Variants in LHX8 observed in about 807,000 individuals in gnomAD.
The protein encoded by LHX8 is LIM/homeobox protein Lhx8.
LHX8 carries 12 observed loss-of-function variants against 40.3 expected under a neutral mutation model. The ratio of observed to expected loss-of-function variants is 0.30; its 90% CI spans 0.19 to 0.48. The LOEUF is 0.48. LHX8 is among the 20% of genes least tolerant of loss of function. The pLI is 0.99. For synonymous variants in LHX8, 179 were observed against 162.0 expected (o/e 1.10, Z -0.80); for missense variants, 344 against 433.7 (o/e 0.79, Z 1.84).
At position 75,134,645 on chromosome 1, in the gene LHX8, T is replaced by C. The variant is rs1320489006; in HGVS notation, c.-322T>C. ...ATGTATTGGAAGAACGATCAGATGT[T>C]TGTGTGTAAACTAGTAGCAAAGGAC... On this transcript the variant is annotated 5_prime_UTR_variant, in exon 1 of 9. Transcript: ENST00000356261. 1.3e-5 allele frequency among the ~76,000 whole-genome samples: 2 copies of C among 152,060 alleles called. No homozygotes were observed. The highest frequency in any genetic ancestry group is 4.8e-5 in the African/African-American group (2 of 41,416).
chr1:75,192,561 A>G, the LHX8 span, among the ~76,000 whole-genome samples: 4 of 152,222 alleles, frequency 2.6e-5, no homozygotes, highest in Admixed American at 1.3e-4. Flanking sequence ...CTCCCATCAC[A>G]GAAAGGGATC....
At chr1:75,155,836 A>G (rs1402569888) in intron 7 of LHX8, among the ~76,000 whole-genome samples, 2 of 152,184 alleles carry the variant, frequency 1.3e-5, no homozygotes, top group South Asian at 2.1e-4. Context: ...GGAATAGCCT[A>G]TGTATTCACC....
upstream of LHX8, chr1:75,131,346 GGTT>G (rs1647955319): frequency 1.9e-5 from 3 of 159,262 alleles, no homozygotes; most frequent in East Asian, 3.5e-4. Flanking sequence ...AGAGGCAAAG[GGTT>G]CAATAGTCAA....
the LHX8 span, among the ~76,000 whole-genome samples, chr1:75,175,914 A>G: frequency 6.6e-6 from 1 of 152,160 alleles, no homozygotes; most frequent in Non-Finnish European, 1.5e-5. Context: ...GAGTGAGAAC[A>G]TGCAGTGTTT....
chr1:75,175,016 G>C, the LHX8 span, among the ~76,000 whole-genome samples: 1 of 152,064 alleles, frequency 6.6e-6, no homozygotes, highest in Non-Finnish European at 1.5e-5. Context: ...TTACGCTTTT[G>C]CGTCCTCATA....
intron 5 of LHX8, 32 bp downstream of exon 5, chr1:75,143,370 T>C (rs773828288): frequency 1.3e-6 from 2 of 1,509,464 alleles, no homozygotes; most frequent in African/African-American, 2.8e-5. Flanking sequence ...TTTGAGTCTT[T>C]TGAGACAGTG....
At chr1:75,147,826 C>A (rs1648501967) in intron 6 of LHX8, among the ~76,000 whole-genome samples, 2 of 152,196 alleles carry the variant, frequency 1.3e-5, no homozygotes, top group African/African-American at 4.8e-5. Context: ...TTCTGGTACT[C>A]TCTCCCACAC....
At chr1:75,165,943 A>T (rs17096318), downstream of LHX8, among the ~76,000 whole-genome samples, 10,752 of 152,266 alleles carry the variant, frequency 0.071, 464 homozygotes, top group African/African-American at 0.12. Context: ...AAGGACACTT[A>T]AGCCTCCCTG....
chr1:75,135,521 G>A (rs998415574), intron 1 of LHX8, among the ~76,000 whole-genome samples: 1 of 152,218 alleles, frequency 6.6e-6, no homozygotes, highest in East Asian at 1.9e-4. Flanking sequence ...GAGGCCCCCA[G>A]GTTGGTATCT....
At chr1:75,149,513 T>C (rs1417408617) in intron 7 of LHX8, among the ~76,000 whole-genome samples, 1 of 152,166 alleles carries the variant, frequency 6.6e-6, no homozygotes, top group East Asian at 1.9e-4. Context: ...GTTTGTTTTT[T>C]GTTTGTTTGT....
the LHX8 span, among the ~76,000 whole-genome samples, chr1:75,192,017 A>G: frequency 2.0e-5 from 3 of 152,188 alleles, no homozygotes; most frequent in Non-Finnish European, 4.4e-5. Context: ...TTTGAATCCT[A>G]TCTCCACCAC....
chr1:75,146,139 A>G lies in LHX8; in HGVS notation c.684+2191A>G, dbSNP rs546743519. Among the ~76,000 whole-genome samples, 149 of 152,162 alleles carry G rather than the reference A, an allele frequency of 9.8e-4. 3 individuals carry two copies. In the East Asian group the frequency reaches 0.015, roughly 15 times the overall value. ...AATAAATCGGTATCCTTATTGTCAA[A>G]CTCTCCTACATTTAGGAATGCTGAA... is the stretch of plus-strand genomic sequence containing the variant. On this transcript the variant is annotated intron_variant, in intron 6 of 8. Coordinates refer to ENST00000356261, the MANE Select transcript of LHX8 (RefSeq NM_001256114.2).
chr1:75,173,415 G>C, the LHX8 span, among the ~76,000 whole-genome samples: 3 of 114,708 alleles, frequency 2.6e-5, no homozygotes, highest in Non-Finnish European at 4.9e-5. Flanking sequence ...ACGGAATCTC[G>C]TTCTGTCGCC....
chr1:75,143,046 G>C, intron 4 of LHX8, 72 bp from the exon 5 acceptor site: 2 of 1,163,324 alleles, frequency 1.7e-6, no homozygotes, highest in Non-Finnish European at 2.6e-6. Context: ...TAATGTGCTG[G>C]TTTAATATTC....
chr1:75,158,419 T>C (rs942146228), intron 8 of LHX8, among the ~76,000 whole-genome samples: 2 of 152,198 alleles, frequency 1.3e-5, no homozygotes, highest in Non-Finnish European at 2.9e-5. Flanking sequence ...CATTTTTCCT[T>C]CATGAGCCAT....
chr1:75,148,611 G>C lies in LHX8; in HGVS notation c.709G>C (p.Asp237His), dbSNP rs1648525528. Residue 237 changes from aspartate (D) to histidine (H), a missense_variant, in exon 7 of 9, where the codon GAC becomes CAC. Around this residue, in one of 3 missense-constraint regions of LHX8, gnomAD observed 147 missense variants for 250.8 expected, o/e 0.59. Transcript: ENST00000356261. ...GGTTATGCAAGCACAATTTGCTCAG[G>C]ACAACAACCCAGATGCACAGACACT... ...LQVMQAQFAQDNNPDAQTLQK... is the reference protein window; with the variant it reads ...LQVMQAQFAQHNNPDAQTLQK... The C allele has an allele frequency of 3.1e-6, 5 of 1,613,598 alleles. No individual in the cohort carries two copies. The highest frequency in any genetic ancestry group is 1.1e-5 in the South Asian group (1 of 91,064).
At chr1:75,143,720 G>A in intron 5 of LHX8, 125 bp from the exon 6 acceptor site, 1 of 735,366 alleles carries the variant, frequency 1.4e-6, no homozygotes, top group Non-Finnish European at 2.5e-6. Context: ...AAAACTTAAG[G>A]GGTTTTGCCG....
At chr1:75,179,065 C>G in the LHX8 span, among the ~76,000 whole-genome samples, 5 of 152,062 alleles carry the variant, frequency 3.3e-5, no homozygotes, top group African/African-American at 1.2e-4. Flanking sequence ...TGTTTTTTCA[C>G]ATTGCTGAGG....
chr1:75,154,698 G>A (rs1385675854), intron 7 of LHX8, among the ~76,000 whole-genome samples: 2 of 152,104 alleles, frequency 1.3e-5, no homozygotes, highest in Admixed American at 6.5e-5. Flanking sequence ...GAACTGTGGA[G>A]TTTGGGGTGT....
Sources: gnomAD v4.1 joint callset for allele counts (sites outside exome capture counted in the v4.1 genomes callset) on GRCh38, gnomAD v4.1.1 for gene constraint, gnomAD v4.1.1 regional missense constraint, MANE v1.5 for transcripts, NCBI Gene and HGNC (gene_info 2026-07-23, HGNC 2026-07-21) for gene names.